Variants in PTPRD observed in about 807,000 individuals in gnomAD.
PTPRD encodes protein tyrosine phosphatase receptor type D.
A neutral mutation model predicts 214.5 loss-of-function variants in PTPRD; 34 were observed. The ratio of observed to expected loss-of-function variants is 0.16; its 90% CI spans 0.12 to 0.21. The LOEUF is 0.21. Ranked by LOEUF, PTPRD falls within the 10% of genes least tolerant of loss-of-function variation. PTPRD has a pLI of 1.00. For synonymous variants in PTPRD, 1,128 were observed against 845.7 expected (o/e 1.33, Z -5.79); for missense variants, 2,545 against 2,398.7 (o/e 1.06, Z -1.27).
intron 44 of PTPRD, among the ~76,000 whole-genome samples, chr9:8,330,678 G>A (rs1839490975): frequency 6.7e-6 from 1 of 149,458 alleles, no homozygotes. Context: ...GAAGTCCAGA[G>A]AAACTTCATT....
intron 8 of PTPRD, among the ~76,000 whole-genome samples, chr9:9,453,024 T>TA (rs890335283): frequency 1.3e-4 from 20 of 150,664 alleles, no homozygotes; most frequent in Middle Eastern, 3.4e-3. Flanking sequence ...TATTTTATTT[T>TA]TTTTTTTTGC....
At chr9:8,493,093 G>A in intron 26 of PTPRD, 114 bp from the exon 27 acceptor site, 2 of 828,994 alleles carry the variant, frequency 2.4e-6, no homozygotes, top group East Asian at 2.5e-5. Context: ...TTGCAGCCAT[G>A]CTAAGCCCTG....
intron 3 of PTPRD, among the ~76,000 whole-genome samples, chr9:10,334,740 G>A (rs1447643706): frequency 6.6e-6 from 1 of 151,424 alleles, no homozygotes; most frequent in African/African-American, 2.4e-5. Flanking sequence ...GGTCAACAAA[G>A]AAAAGTCACT....
chr9:9,449,582 A>T (rs757190011), intron 8 of PTPRD, among the ~76,000 whole-genome samples: 26 of 151,928 alleles, frequency 1.7e-4, no homozygotes, highest in Non-Finnish European at 2.1e-4. Flanking sequence ...CCTCCAGCAG[A>T]CCCTTTGTCT....
intron 39 of PTPRD, among the ~76,000 whole-genome samples, chr9:8,344,539 C>A (rs1290873081): frequency 6.6e-6 from 1 of 151,824 alleles, no homozygotes; most frequent in African/African-American, 2.4e-5. Flanking sequence ...ATAACAGAGG[C>A]TATGACTTGA....
chr9:10,062,239 A>G (rs542861984), intron 3 of PTPRD, among the ~76,000 whole-genome samples: 1 of 152,238 alleles, frequency 6.6e-6, no homozygotes, highest in Admixed American at 6.5e-5. Context: ...AGACTTTTCT[A>G]TCCACAGCGT....
chr9:8,984,908 C>T (rs185851409), intron 11 of PTPRD, among the ~76,000 whole-genome samples: 11 of 152,174 alleles, frequency 7.2e-5, no homozygotes. Context: ...CTAAGTCACT[C>T]ATTTGATGGT....
At chr9:8,335,289 C>T (rs1388190955) in intron 43 of PTPRD, among the ~76,000 whole-genome samples, 1 of 151,690 alleles carries the variant, frequency 6.6e-6, no homozygotes, top group Non-Finnish European at 1.5e-5. Context: ...AAAAGCTTAT[C>T]CACCACGATC....
intron 12 of PTPRD, among the ~76,000 whole-genome samples, chr9:8,640,564 A>AC (rs1201734728): frequency 1.5e-4 from 17 of 111,936 alleles, no homozygotes; most frequent in African/African-American, 5.3e-4. Context: ...AAAAAAACAA[A>AC]AAAAAAAAAA....
At chr9:9,863,203 CA>C (rs2063177715) in intron 5 of PTPRD, among the ~76,000 whole-genome samples, 2 of 152,078 alleles carry the variant, frequency 1.3e-5, no homozygotes, top group South Asian at 4.1e-4. Context: ...AAGTCCACTG[CA>C]AATTCTAAAG....
intron 8 of PTPRD, among the ~76,000 whole-genome samples, chr9:9,456,226 C>A (rs2092977889): frequency 6.6e-6 from 1 of 151,664 alleles, no homozygotes; most frequent in Non-Finnish European, 1.5e-5. Flanking sequence ...CTCTGTAGTT[C>A]AATGAAACAA....
At chr9:8,511,578 A>C (rs915260051) in intron 21 of PTPRD, among the ~76,000 whole-genome samples, 4 of 152,124 alleles carry the variant, frequency 2.6e-5, no homozygotes, top group African/African-American at 9.7e-5. Flanking sequence ...AGATTCTGGG[A>C]AAATCATGGG....
chr9:8,645,237 A>C (rs910696522), intron 12 of PTPRD, among the ~76,000 whole-genome samples: 1 of 152,226 alleles, frequency 6.6e-6, no homozygotes, highest in Non-Finnish European at 1.5e-5. Flanking sequence ...TTAAAGTGTA[A>C]CATCATCCCA....
chr9:10,582,793 G>T (rs1044204242), intron 2 of PTPRD, among the ~76,000 whole-genome samples: 3 of 152,166 alleles, frequency 2.0e-5, no homozygotes, highest in Admixed American at 6.5e-5. Context: ...GATAAATACT[G>T]TGCAGAAGTA....
chr9:9,345,021 C>A (rs1425349583), intron 9 of PTPRD, among the ~76,000 whole-genome samples: 1 of 151,954 alleles, frequency 6.6e-6, no homozygotes, highest in Non-Finnish European at 1.5e-5. Context: ...CCCTAGAAGT[C>A]ATATATTTGA....
chr9:10,153,670 T>C (rs993718739), intron 3 of PTPRD, among the ~76,000 whole-genome samples: 8 of 152,118 alleles, frequency 5.3e-5, no homozygotes, highest in Admixed American at 4.6e-4. Context: ...ATTAGTTATT[T>C]TTCCTAATTC....
intron 10 of PTPRD, among the ~76,000 whole-genome samples, chr9:9,146,830 TA>T (rs1395391960): frequency 9.9e-5 from 15 of 152,274 alleles, no homozygotes; most frequent in African/African-American, 3.1e-4. Flanking sequence ...TTAGGAAACA[TA>T]GTTTATAAAT....
rs137883287 is a variant in PTPRD at position 9,424,400 on chromosome 9, G to A, written c.-236-26918C>T. Among the ~76,000 whole-genome samples the A allele has an allele frequency of 3.2e-4, 48 of 152,286 alleles. No homozygotes were observed. In the East Asian group the frequency reaches 7.7e-3, roughly 24 times the overall value. ...GTCAACCTACCAGCTGGCTGGCAAC[G>A]GTCACTGGTTGAAGGTGAAGTGCTG... On this transcript the variant is annotated intron_variant, in intron 8 of 45. Transcript: ENST00000381196.
At chr9:9,868,881 AG>A (rs2064710341) in intron 5 of PTPRD, among the ~76,000 whole-genome samples, 1 of 152,146 alleles carries the variant, frequency 6.6e-6, no homozygotes, top group Non-Finnish European at 1.5e-5. Context: ...TAAGAGAAAA[AG>A]TCTGAAATCA....
Sources: gnomAD v4.1 joint callset for allele counts (sites outside exome capture counted in the v4.1 genomes callset) on GRCh38, gnomAD v4.1.1 for gene constraint, MANE v1.5 for transcripts, NCBI Gene and HGNC (gene_info 2026-07-23, HGNC 2026-07-21) for gene names.